CARNMT1: variants seen among roughly 807,000 people sequenced by gnomAD.
CARNMT1 encodes the protein carnosine N-methyltransferase 1.
Under a neutral mutation model 49.6 loss-of-function variants are expected in CARNMT1, and 28 were observed. That is an observed-to-expected ratio of 0.56 (90% CI 0.42 to 0.77). The LOEUF is 0.77. CARNMT1 is among the 30% of genes least tolerant of loss of function. The pLI is 0.00. For synonymous variants in CARNMT1, 178 were observed against 175.0 expected, an observed-to-expected ratio of 1.02 and a Z score of -0.13; for missense variants, 421 against 512.6, an observed-to-expected ratio of 0.82 and a Z score of 1.73.
At chr9:75,019,247 A>G (rs1400398557) in intron 1 of CARNMT1, among the ~76,000 whole-genome samples, 1 of 152,196 alleles carries the variant, frequency 6.6e-6, no homozygotes, top group African/African-American at 2.4e-5. Flanking sequence ...TATTAACCCT[A>G]TATAATACGA....
chr9:75,016,753 T>C lies in CARNMT1; in HGVS notation c.427-322A>G, dbSNP rs536836963. The C allele has an allele frequency of 6.5e-5, 18 of 277,144 alleles. No individual in the cohort carries two copies. The East Asian group carries it at 8.5e-4, about 13-fold the overall frequency. The allele number at this position is 277,144 out of a possible 1,614,324, so 17.2% of individuals were successfully genotyped here. A position where few individuals can be genotyped will look rare whatever the true frequency, so the allele number is the denominator to read the frequency against. ...GAGGGAAGAAAGTCCCTCCAGGTCATTGATGGGGCAGCATGGAGAGGCTCA... is the reference window on the plus strand; with the variant it reads ...GAGGGAAGAAAGTCCCTCCAGGTCACTGATGGGGCAGCATGGAGAGGCTCA... On this transcript the variant is annotated intron_variant, in intron 2 of 7. Coordinates refer to ENST00000376834, the MANE Select transcript of CARNMT1 (RefSeq NM_152420.3).
In CARNMT1 at chr9:74,984,923, T is replaced by A; in HGVS notation, c.1112A>T (p.Tyr371Phe). Residue 371 changes from tyrosine (Y) to phenylalanine (F), a missense_variant, in exon 7 of 8, where the codon TAT (tyrosine) becomes TTT (phenylalanine). Physicochemically the swap from Tyr to Phe is conservative, Grantham distance 22. This residue lies in a region of CARNMT1 where 235 missense variants were observed against 344.8 expected (regional missense o/e 0.68). Transcript: ENST00000376834. ...YEDIKNVVLQ[Y>F]GFKVEVEKES... ...CATTCTTACCTCTACCTTGAATCCA[T>A]ACTGCAGAACAACGTTTTTTATATC... 1 of 1,612,870 alleles carries A rather than the reference T, an allele frequency of 6.2e-7. No individual in the cohort carries two copies. Among genetic ancestry groups the A allele is most frequent in the Non-Finnish European group, 8.5e-7 (1 of 1,179,050 alleles).
At chr9:75,025,879 A>G (rs1477476460) in intron 1 of CARNMT1, among the ~76,000 whole-genome samples, 1 of 152,218 alleles carries the variant, frequency 6.6e-6, no homozygotes, top group African/African-American at 2.4e-5. Flanking sequence ...CACCTGAAAT[A>G]TGGGTAGTGA....
intron 6 of CARNMT1, among the ~76,000 whole-genome samples, chr9:74,988,770 T>C (rs1832925224): frequency 6.6e-6 from 1 of 152,236 alleles, no homozygotes; most frequent in Non-Finnish European, 1.5e-5. Flanking sequence ...TTTAAGAATG[T>C]AAGAAATACT....
chr9:75,028,299 G>A (rs567990680), upstream of CARNMT1: 43 of 1,334,524 alleles, frequency 3.2e-5, 2 homozygotes, highest in South Asian at 7.3e-4. Flanking sequence ...ACAGCGTGGT[G>A]GCGGCTGCTT....
chr9:75,014,200 G>A (rs1043432927), intron 3 of CARNMT1, among the ~76,000 whole-genome samples: 5 of 152,078 alleles, frequency 3.3e-5, no homozygotes, highest in Admixed American at 3.3e-4. Context: ...TACAACCTTA[G>A]TCTAAGGGAA....
Position 75,028,043 on chromosome 9 carries a change from A to G in CARNMT1, c.199T>C (p.Trp67Arg), listed in dbSNP as rs752542404. Residue 67 changes from tryptophan (W) to arginine (R), a missense_variant, in exon 1 of 8, where the codon TGG (tryptophan) becomes CGG (arginine). Trp to Arg is a moderately radical substitution (Grantham distance 101). Coordinates refer to ENST00000376834, the MANE Select transcript of CARNMT1 (RefSeq NM_152420.3). Reference sequence around the variant, plus strand: ...TAGCGGAAGGCATTAATGATCTTCCAGAAGTGCTCACGCTCAAGCCTCTCC... The same window carrying G: ...TAGCGGAAGGCATTAATGATCTTCCGGAAGTGCTCACGCTCAAGCCTCTCC... ...EEERLEREHF[W>R]KIINAFRYYG... The G allele has an allele frequency of 6.3e-7, 1 of 1,578,846 alleles. No individual in the cohort carries two copies. The highest frequency in any genetic ancestry group is 8.6e-7 in the Non-Finnish European group (1 of 1,164,970).
intron 1 of CARNMT1, among the ~76,000 whole-genome samples, chr9:75,025,817 T>A (rs1178486197): frequency 6.6e-6 from 1 of 152,224 alleles, no homozygotes; most frequent in Non-Finnish European, 1.5e-5. Flanking sequence ...ATGGAAAAGC[T>A]TTTATTTGCA....
intron 6 of CARNMT1, among the ~76,000 whole-genome samples, chr9:74,987,770 A>ATAAT (rs1832888278): frequency 6.6e-6 from 1 of 152,066 alleles, no homozygotes; most frequent in Non-Finnish European, 1.5e-5. Flanking sequence ...ATTTTATTAT[A>ATAAT]TGTCAATTAT....
intron 1 of CARNMT1, among the ~76,000 whole-genome samples, chr9:75,026,074 A>G (rs1330653674): frequency 6.6e-6 from 1 of 152,220 alleles, no homozygotes; most frequent in Admixed American, 6.5e-5. Flanking sequence ...TTTAAAAAGC[A>G]TATTTTTGAT....
At chr9:75,022,087 A>G (rs374370090) in intron 1 of CARNMT1, among the ~76,000 whole-genome samples, 44 of 152,188 alleles carry the variant, frequency 2.9e-4, no homozygotes, top group African/African-American at 7.9e-4. Context: ...GCTATTTCCC[A>G]ACTACTGGGC....
intron 3 of CARNMT1, among the ~76,000 whole-genome samples, chr9:75,007,866 A>C (rs538952804): frequency 6.6e-6 from 1 of 152,196 alleles, no homozygotes; most frequent in East Asian, 1.9e-4. Context: ...AGGAAACAAA[A>C]GGCATTCAAA....
intron 1 of CARNMT1, among the ~76,000 whole-genome samples, chr9:75,022,649 G>C (rs1214831496): frequency 6.6e-6 from 1 of 152,134 alleles, no homozygotes; most frequent in African/African-American, 2.4e-5. Context: ...TAGGCAAACA[G>C]CAGAGCTTCA....
intron 3 of CARNMT1, among the ~76,000 whole-genome samples, chr9:75,007,533 A>T (rs1833546250): frequency 6.6e-6 from 1 of 152,044 alleles, no homozygotes; most frequent in African/African-American, 2.4e-5. Context: ...GTTTGAGATC[A>T]GCCTGACCAA....
At chr9:75,003,479 G>T (rs531202539) in intron 3 of CARNMT1, among the ~76,000 whole-genome samples, 2 of 152,220 alleles carry the variant, frequency 1.3e-5, no homozygotes, top group African/African-American at 4.8e-5. Flanking sequence ...GCAACAAGGC[G>T]CTAAGCAGTC....
At chr9:75,002,010 T>C (rs1168857156) in intron 3 of CARNMT1, among the ~76,000 whole-genome samples, 1 of 152,074 alleles carries the variant, frequency 6.6e-6, no homozygotes, top group Non-Finnish European at 1.5e-5. Flanking sequence ...AGCCAACAAG[T>C]TTACCTAGTT....
intron 3 of CARNMT1, among the ~76,000 whole-genome samples, chr9:75,010,915 G>A (rs551086119): frequency 2.0e-4 from 31 of 151,988 alleles, no homozygotes; most frequent in Non-Finnish European, 4.1e-4. Flanking sequence ...GTACAATACT[G>A]TGAAGTACTG....
intron 1 of CARNMT1, among the ~76,000 whole-genome samples, chr9:75,021,825 C>T (rs879482607): frequency 2.6e-5 from 4 of 151,964 alleles, no homozygotes; most frequent in Admixed American, 6.6e-5. Flanking sequence ...GTAGTCTCAC[C>T]TACTTGGGAG....
chr9:75,024,707 A>AG (rs1822473529), intron 1 of CARNMT1, among the ~76,000 whole-genome samples: 1 of 152,198 alleles, frequency 6.6e-6, no homozygotes, highest in Non-Finnish European at 1.5e-5. Flanking sequence ...CCTTTTATCT[A>AG]AATCTCCTAC....
Sources: allele counts gnomAD v4.1 joint callset (sites outside exome capture counted in the v4.1 genomes callset), GRCh38; gene constraint gnomAD v4.1.1; regional missense constraint gnomAD v4.1.1; transcripts MANE v1.5; gene names NCBI Gene and HGNC (gene_info 2026-07-23, HGNC 2026-07-21).